The following XXYLT1 variants were observed in gnomAD, a reference collection of about 807,000 sequenced individuals.
XXYLT1 encodes UDP-xylose:alpha-xyloside alpha-1,3-xylosyltransferase.
Under a neutral mutation model 28.9 loss-of-function variants are expected in XXYLT1, and 20 were observed. The ratio of observed to expected loss-of-function variants is 0.69; its 90% CI spans 0.49 to 1.00. The LOEUF is 1.00. Among genes scored for constraint, XXYLT1 ranks in the 50% least tolerant of loss-of-function variants. The pLI is 0.00. For missense variants in XXYLT1, 542 were observed against 560.1 expected, an observed-to-expected ratio of 0.97 and a Z score of 0.33; for synonymous variants, 257 against 253.8, an observed-to-expected ratio of 1.01 and a Z score of -0.12.
chr3:195,143,901 TTTTA>T (rs1719692279), intron 3 of XXYLT1, among the ~76,000 whole-genome samples: 4 of 135,810 alleles, frequency 2.9e-5, no homozygotes, highest in Non-Finnish European at 6.2e-5. Flanking sequence ...TATTTTTTAT[TTTTA>T]TTTTTTTTTT....
At chr3:195,075,086 T>C (rs1715039275) in intron 3 of XXYLT1, among the ~76,000 whole-genome samples, 1 of 152,106 alleles carries the variant, frequency 6.6e-6, no homozygotes, top group Non-Finnish European at 1.5e-5. Context: ...ACCCCGTCTC[T>C]ACTAAAAATA....
At chr3:195,142,966 A>T (rs1228016439) in intron 3 of XXYLT1, among the ~76,000 whole-genome samples, 1 of 152,222 alleles carries the variant, frequency 6.6e-6, no homozygotes, top group East Asian at 1.9e-4. Flanking sequence ...AGATGCTCTT[A>T]TACACATTCG....
At chr3:195,119,932 G>A (rs1553805910) in intron 3 of XXYLT1, among the ~76,000 whole-genome samples, 1 of 150,480 alleles carries the variant, frequency 6.6e-6, no homozygotes, top group Non-Finnish European at 1.5e-5. Context: ...CAGGGGCTGG[G>A]CGGGGCGGGG....
At chr3:195,112,299 C>T (rs971312691) in intron 3 of XXYLT1, among the ~76,000 whole-genome samples, 1 of 152,088 alleles carries the variant, frequency 6.6e-6, no homozygotes, top group Non-Finnish European at 1.5e-5. Flanking sequence ...CTTTGGGGTT[C>T]GCAAGCCCCA....
chr3:195,220,539 T>C (rs1436663165), intron 2 of XXYLT1, among the ~76,000 whole-genome samples: 1 of 152,176 alleles, frequency 6.6e-6, no homozygotes, highest in Non-Finnish European at 1.5e-5. Context: ...TGTTGCAATC[T>C]GCACTCAGCT....
At chr3:195,189,194 A>C (rs561512937) in intron 2 of XXYLT1, among the ~76,000 whole-genome samples, 38 of 152,356 alleles carry the variant, frequency 2.5e-4, no homozygotes, top group East Asian at 3.9e-4. Flanking sequence ...GGCAACCTCT[A>C]GGAATCCAGG....
chr3:195,142,795 G>C (rs1719561950), intron 3 of XXYLT1, among the ~76,000 whole-genome samples: 1 of 152,222 alleles, frequency 6.6e-6, no homozygotes, highest in South Asian at 2.1e-4. Flanking sequence ...GAACAGGGAG[G>C]ATGGTGAAGT....
Position 195,127,648 on chromosome 3 carries a change from G to A in XXYLT1, c.785+28801C>T, listed in dbSNP as rs1268441659. 2.6e-5 allele frequency among the ~76,000 whole-genome samples: 4 copies of A among 152,024 alleles called. No homozygotes were observed. The East Asian group carries it at 5.8e-4, about 22-fold the overall frequency. ...AACAATTTGCTGGGCATGGTGACACGTGCCTGTAGACCCAGCTACTTGGGA... is the reference window on the plus strand; with the variant it reads ...AACAATTTGCTGGGCATGGTGACACATGCCTGTAGACCCAGCTACTTGGGA... On this transcript the variant is annotated intron_variant, in intron 3 of 3. Coordinates refer to ENST00000310380, the MANE Select transcript of XXYLT1 (RefSeq NM_152531.5).
chr3:195,154,195 T>C (rs1720437585), intron 3 of XXYLT1: 2 of 152,056 alleles, frequency 1.3e-5, no homozygotes, highest in South Asian at 2.1e-4. Context: ...TCTAAAATGA[T>C]AATTGGATGC....
At chr3:195,238,807 C>G (rs984526533) in intron 1 of XXYLT1, among the ~76,000 whole-genome samples, 5 of 152,196 alleles carry the variant, frequency 3.3e-5, no homozygotes, top group Non-Finnish European at 5.9e-5. Context: ...CATCCCTATC[C>G]GTTCGAATTA....
intron 1 of XXYLT1, among the ~76,000 whole-genome samples, chr3:195,265,297 G>A (rs1301744031): frequency 6.6e-6 from 1 of 151,720 alleles, no homozygotes; most frequent in African/African-American, 2.4e-5. Flanking sequence ...TTGAAAGGAG[G>A]CAGAGGCTGC....
chr3:195,109,178 A>G (rs1313763064), intron 3 of XXYLT1, among the ~76,000 whole-genome samples: 1 of 151,896 alleles, frequency 6.6e-6, no homozygotes, highest in African/African-American at 2.4e-5. Flanking sequence ...GCAGATCTCC[A>G]CTCTTGAACA....
chr3:195,132,483 A>C (rs1718952025), intron 3 of XXYLT1, among the ~76,000 whole-genome samples: 1 of 152,186 alleles, frequency 6.6e-6, no homozygotes, highest in East Asian at 1.9e-4. Flanking sequence ...AAAAAAAAGA[A>C]AGAAAATAAG....
intron 3 of XXYLT1, among the ~76,000 whole-genome samples, chr3:195,125,363 A>C (rs947610279): frequency 1.7e-4 from 26 of 152,224 alleles, no homozygotes; most frequent in African/African-American, 6.0e-4. Flanking sequence ...ATTTCCTTCC[A>C]TTGCGGGGCT....
rs895806653 is a variant in XXYLT1 at position 195,115,255 on chromosome 3, C to G, written c.785+41194G>C. 6.6e-6 allele frequency among the ~76,000 whole-genome samples: 1 copy of G among 152,140 alleles called. No homozygotes were observed. Among genetic ancestry groups the G allele is most frequent in the Non-Finnish European group, 1.5e-5 (1 of 68,024 alleles). ...GGTCCCAGTCACCTTGAACCCAGGTCGTGCTGCCGCTTCCTGAGTACCAGA... is the reference window on the plus strand; with the variant it reads ...GGTCCCAGTCACCTTGAACCCAGGTGGTGCTGCCGCTTCCTGAGTACCAGA... On this transcript the variant is annotated intron_variant, in intron 3 of 3. Transcript: ENST00000310380. This position sits in a 1 kb window ranked among gnomAD's most constrained non-coding sequence, Gnocchi z 4.2.
Position 195,238,959 on chromosome 3 carries a change from C to A in XXYLT1, c.505-12103G>T, listed in dbSNP as rs530568310. The stretch of plus-strand genomic sequence containing the variant: ...CAGCCAAACTAAGGGAGATGAAGAG[C>A]TATCCTCAGCCAGCTCACTCCCTAC... On this transcript the variant is annotated intron_variant, in intron 1 of 3. Coordinates refer to ENST00000310380, the MANE Select transcript of XXYLT1 (RefSeq NM_152531.5). Among the ~76,000 whole-genome samples, 227 of 152,302 alleles carry A rather than the reference C, an allele frequency of 1.5e-3. 1 individual carries two copies. The highest frequency in any genetic ancestry group is 7.3e-3 in the South Asian group (35 of 4,826).
chr3:195,187,256 TA>T (rs1722241971), intron 2 of XXYLT1, among the ~76,000 whole-genome samples: 1 of 146,560 alleles, frequency 6.8e-6, no homozygotes, highest in African/African-American at 2.6e-5. Context: ...AAAAAAAAGA[TA>T]GAGACGGGGT....
At chr3:195,234,680 C>T (rs1168108415) in intron 1 of XXYLT1, among the ~76,000 whole-genome samples, 1 of 152,116 alleles carries the variant, frequency 6.6e-6, no homozygotes, top group Admixed American at 6.5e-5. Flanking sequence ...TTAAGTATGT[C>T]ATGCCACTCT....
At chr3:195,098,337 A>C (rs1204533453) in intron 3 of XXYLT1, among the ~76,000 whole-genome samples, 2 of 152,108 alleles carry the variant, frequency 1.3e-5, no homozygotes, top group Non-Finnish European at 2.9e-5. Flanking sequence ...GTGGATCACG[A>C]GGTCAGAAGA....
Sources: gnomAD v4.1 joint callset for allele counts (sites outside exome capture counted in the v4.1 genomes callset) on GRCh38, gnomAD v4.1.1 for gene constraint, Gnocchi (gnomAD v3.1) non-coding constraint, MANE v1.5 for transcripts, NCBI Gene and HGNC (gene_info 2026-07-23, HGNC 2026-07-21) for gene names.